SCAPER: variants seen among roughly 807,000 people sequenced by gnomAD.
The protein encoded by SCAPER is S phase cyclin A-associated protein in the endoplasmic reticulum.
In SCAPER, 98 loss-of-function variants were observed where a neutral mutation model predicts 182.2. That is an observed-to-expected ratio of 0.54 (90% CI 0.46 to 0.64). The LOEUF (loss-of-function observed/expected upper bound fraction) is 0.64, where lower values mean the gene tolerates loss of function less well. SCAPER is among the 30% of genes least tolerant of loss of function. SCAPER has a pLI of 0.00. For synonymous variants in SCAPER, 605 were observed against 564.6 expected, an observed-to-expected ratio of 1.07 and a Z score of -1.01; for missense variants, 1,432 against 1,690.0, an observed-to-expected ratio of 0.85 and a Z score of 2.68.
At chr15:76,847,483 T>A (rs558610608) in intron 4 of SCAPER, among the ~76,000 whole-genome samples, 2 of 152,248 alleles carry the variant, frequency 1.3e-5, no homozygotes, top group South Asian at 4.1e-4. Context: ...GTAACTAGAT[T>A]ATAATACAAA....
intron 25 of SCAPER, among the ~76,000 whole-genome samples, chr15:76,442,727 C>G (rs1033409608): frequency 2.6e-5 from 4 of 152,146 alleles, no homozygotes; most frequent in African/African-American, 7.2e-5. Context: ...GCAACTTACA[C>G]AAGATCTTGA....
Position 76,665,664 on chromosome 15 carries a change from C to G in SCAPER, c.2634G>C (p.Arg878=), listed in dbSNP as rs573070623. Residue 878 remains arginine, a synonymous_variant, in exon 21 of 32, where the codon CGG becomes CGC. Transcript: ENST00000563290. ...NKKKAKKIKA[R]MNFRAKEYES... Reference sequence around the variant, plus strand: ...GGTATTTAAGGTACCTGAAGTTCATCCGGGCTTTTATCTTTTTGGCTTTTT... The same window carrying G: ...GGTATTTAAGGTACCTGAAGTTCATGCGGGCTTTTATCTTTTTGGCTTTTT... The G allele has an allele frequency of 6.3e-7, 1 of 1,591,888 alleles. No individual in the cohort carries two copies. Among genetic ancestry groups the G allele is most frequent in the African/African-American group, 1.4e-5 (1 of 73,826 alleles).
rs549811901 is a variant in SCAPER, at chr15:76,533,208, G to A, written c.2839-28234C>T. On this transcript the variant is annotated intron_variant, in intron 23 of 31. Transcript: ENST00000563290. ...GGTATTTCAGAAGAGGAAATGGCAGGTAGGCAGTAAAGAAGGAAGTGCACT... is the reference window on the plus strand; with the variant it reads ...GGTATTTCAGAAGAGGAAATGGCAGATAGGCAGTAAAGAAGGAAGTGCACT... Among the ~76,000 whole-genome samples the A allele has an allele frequency of 2.6e-5, 4 of 152,288 alleles. No individual in the cohort carries two copies. The South Asian group carries it at 8.3e-4, about 32-fold the overall frequency.
intron 5 of SCAPER, among the ~76,000 whole-genome samples, chr15:76,829,726 T>C (rs1302512257): frequency 6.6e-6 from 1 of 152,098 alleles, no homozygotes; most frequent in East Asian, 1.9e-4. Flanking sequence ...ATCACACAAC[T>C]ATGAAGACTA....
At chr15:76,483,180 C>T (rs1332222303) in intron 24 of SCAPER, among the ~76,000 whole-genome samples, 1 of 151,418 alleles carries the variant, frequency 6.6e-6, no homozygotes, top group Non-Finnish European at 1.5e-5. Context: ...ATAAGGGAGA[C>T]CAGAATTAGA....
intron 26 of SCAPER, among the ~76,000 whole-genome samples, chr15:76,426,215 A>G (rs2046412995): frequency 6.6e-6 from 1 of 152,214 alleles, no homozygotes; most frequent in South Asian, 2.1e-4. Flanking sequence ...CCAGAGGTGG[A>G]GTCTACAGAG....
At chr15:76,587,527 T>C (rs1215986139) in intron 22 of SCAPER, among the ~76,000 whole-genome samples, 1 of 152,236 alleles carries the variant, frequency 6.6e-6, no homozygotes, top group Admixed American at 6.5e-5. Flanking sequence ...CCATCTTGAT[T>C]TCATTGTTGA....
At chr15:76,567,382 C>T (rs1211554404) in intron 23 of SCAPER, 1 of 454,450 alleles carries the variant, frequency 2.2e-6, no homozygotes, top group Non-Finnish European at 4.4e-6. Context: ...TGGATATATG[C>T]ATTGCTTTCC....
intron 23 of SCAPER, among the ~76,000 whole-genome samples, chr15:76,518,358 A>G (rs71405214): frequency 1.5e-4 from 23 of 152,186 alleles, no homozygotes; most frequent in Non-Finnish European, 2.5e-4. Context: ...TTGTGCCATG[A>G]TAAGATATTT....
At chr15:76,651,625 C>T (rs183296557) in intron 21 of SCAPER, among the ~76,000 whole-genome samples, 60 of 135,154 alleles carry the variant, frequency 4.4e-4, no homozygotes, top group African/African-American at 1.5e-3. Context: ...AAGAACCTAC[C>T]AACCAAAAAA....
chr15:76,829,065 A>G (rs1405032444), intron 5 of SCAPER, among the ~76,000 whole-genome samples: 1 of 152,206 alleles, frequency 6.6e-6, no homozygotes, highest in African/African-American at 2.4e-5. Flanking sequence ...CTAAATATCC[A>G]TCAACCAACA....
chr15:76,677,226 C>A (rs940372670), intron 20 of SCAPER, among the ~76,000 whole-genome samples: 1 of 152,086 alleles, frequency 6.6e-6, no homozygotes, highest in South Asian at 2.1e-4. Flanking sequence ...CTGAATCCTG[C>A]ATAATACAAT....
chr15:76,856,233 AAAG>A (rs1340910147), intron 4 of SCAPER, among the ~76,000 whole-genome samples: 3 of 151,998 alleles, frequency 2.0e-5, no homozygotes, highest in African/African-American at 7.3e-5. Context: ...TCATGAACAC[AAAG>A]AAGGGAACAA....
At chr15:76,667,918 G>A (rs1334562149) in intron 20 of SCAPER, among the ~76,000 whole-genome samples, 11 of 151,586 alleles carry the variant, frequency 7.3e-5, no homozygotes, top group Non-Finnish European at 1.2e-4. Flanking sequence ...AGCCAAGATC[G>A]TGCCACTGCA....
In SCAPER at chr15:76,354,455, A is replaced by C; in HGVS notation, c.3856-315T>G. On this transcript the variant is annotated intron_variant, in intron 29 of 31. Transcript: ENST00000563290. The surrounding 1 kb of genome is among the most constrained non-coding windows in gnomAD (Gnocchi z 4.4). ...GATTCAGAATGCACATTGCTTTAACAAAGTGCTCCCCACACCCCCTTAAAG... is the reference window on the plus strand; with the variant it reads ...GATTCAGAATGCACATTGCTTTAACCAAGTGCTCCCCACACCCCCTTAAAG... The C allele has an allele frequency of 7.5e-6, 2 of 267,856 alleles. No homozygotes were observed. The highest frequency in any genetic ancestry group is 1.0e-4 in the South Asian group (2 of 19,580). The allele number at this position is 267,856 out of a possible 1,614,324, so 16.6% of individuals were successfully genotyped here. A position where few individuals can be genotyped will look rare whatever the true frequency, so the allele number is the denominator to read the frequency against.
intron 15 of SCAPER, among the ~76,000 whole-genome samples, chr15:76,737,468 T>C (rs895849752): frequency 1.3e-5 from 2 of 152,258 alleles, no homozygotes; most frequent in African/African-American, 4.8e-5. Context: ...GCCAGCTTTG[T>C]TGTTCCATTT....
At chr15:76,380,061 G>A (rs562074923) in intron 28 of SCAPER, 2 of 152,120 alleles carry the variant, frequency 1.3e-5, no homozygotes, top group Non-Finnish European at 2.9e-5. Context: ...CCCTTTCGAC[G>A]CAGCTGATGG....
intron 23 of SCAPER, among the ~76,000 whole-genome samples, chr15:76,505,394 G>T (rs2041484767): frequency 1.3e-5 from 2 of 152,140 alleles, no homozygotes. Context: ...AAACAACTCT[G>T]TAGGAAAAAA....
At chr15:76,393,675 T>A (rs1002262457) in intron 27 of SCAPER, among the ~76,000 whole-genome samples, 8 of 152,232 alleles carry the variant, frequency 5.3e-5, no homozygotes, top group African/African-American at 1.9e-4. Context: ...TTTTTGAAGC[T>A]GGATGGAACT....
Sources: allele counts gnomAD v4.1 joint callset (sites outside exome capture counted in the v4.1 genomes callset), GRCh38; gene constraint gnomAD v4.1.1; non-coding constraint Gnocchi (gnomAD v3.1); transcripts MANE v1.5; gene names NCBI Gene and HGNC (gene_info 2026-07-23, HGNC 2026-07-21).